The following MAGI1 variants were observed in gnomAD, a reference collection of about 807,000 sequenced individuals.
MAGI1 encodes membrane associated guanylate kinase, WW and PDZ domain containing 1.
MAGI1 carries 58 observed loss-of-function variants against 139.9 expected under a neutral mutation model. The observed-to-expected ratio is 0.41, with a 90% CI of 0.34 to 0.52. The LOEUF (loss-of-function observed/expected upper bound fraction) is 0.52, where lower values mean the gene tolerates loss of function less well. Ranked by LOEUF, MAGI1 falls within the 20% of genes least tolerant of loss-of-function variation. The pLI is 0.12. For missense variants in MAGI1, 1,874 were observed against 1,901.6 expected, an observed-to-expected ratio of 0.99 and a Z score of 0.27; for synonymous variants, 812 against 737.9, an observed-to-expected ratio of 1.10 and a Z score of -1.63.
chr3:65,656,833 A>AC (rs931373567), intron 1 of MAGI1, among the ~76,000 whole-genome samples: 6 of 152,072 alleles, frequency 3.9e-5, no homozygotes, highest in African/African-American at 1.4e-4. Context: ...CCCCGTCTCT[A>AC]CCAAAAATAC....
At chr3:65,970,702 A>G (rs1030900760) in intron 1 of MAGI1, among the ~76,000 whole-genome samples, 1 of 152,160 alleles carries the variant, frequency 6.6e-6, no homozygotes, top group Non-Finnish European at 1.5e-5. Flanking sequence ...CTACAAAGCT[A>G]TGACTGAGAG....
At chr3:65,729,908 A>G (rs995508112) in intron 1 of MAGI1, among the ~76,000 whole-genome samples, 2 of 152,244 alleles carry the variant, frequency 1.3e-5, no homozygotes, top group Non-Finnish European at 1.5e-5. Context: ...CTTTGGTTAT[A>G]TAAGTAGTTC....
chr3:65,789,180 A>G (rs2039590030), intron 1 of MAGI1, among the ~76,000 whole-genome samples: 1 of 152,104 alleles, frequency 6.6e-6, no homozygotes, highest in African/African-American at 2.4e-5. Context: ...CTCTATCTCT[A>G]AAAAAATAAC....
chr3:65,709,310 C>CT (rs1259970487), intron 1 of MAGI1, among the ~76,000 whole-genome samples: 1 of 152,024 alleles, frequency 6.6e-6, no homozygotes, highest in Non-Finnish European at 1.5e-5. Context: ...CCTGCTATCT[C>CT]TTTTTTTTCC....
At chr3:65,584,295 G>C (rs1294217537) in intron 2 of MAGI1, among the ~76,000 whole-genome samples, 2 of 152,090 alleles carry the variant, frequency 1.3e-5, no homozygotes, top group Non-Finnish European at 2.9e-5. Flanking sequence ...GCCAAAGTCA[G>C]CAATTTCTTT....
At chr3:65,706,777 A>G (rs972575461) in intron 1 of MAGI1, among the ~76,000 whole-genome samples, 1 of 152,116 alleles carries the variant, frequency 6.6e-6, no homozygotes, top group Admixed American at 6.5e-5. Flanking sequence ...GGGGAACAGT[A>G]TGGGATGGAA....
intron 2 of MAGI1, among the ~76,000 whole-genome samples, chr3:65,568,231 T>A (rs1465294690): frequency 6.6e-6 from 1 of 152,146 alleles, no homozygotes; most frequent in Non-Finnish European, 1.5e-5. Flanking sequence ...TGTTTCCCCA[T>A]ATCATTTCCC....
At chr3:65,506,315 A>G (rs918111679) in intron 2 of MAGI1, among the ~76,000 whole-genome samples, 1 of 152,204 alleles carries the variant, frequency 6.6e-6, no homozygotes, top group African/African-American at 2.4e-5. Flanking sequence ...AATATGCATT[A>G]ACCATGACAA....
At chr3:65,983,220 CATAA>C (rs1382152848) in intron 1 of MAGI1, among the ~76,000 whole-genome samples, 1 of 152,228 alleles carries the variant, frequency 6.6e-6, no homozygotes, top group Admixed American at 6.5e-5. Context: ...TGCCTTCTGA[CATAA>C]ATATTTGCTT....
intron 1 of MAGI1, among the ~76,000 whole-genome samples, chr3:65,865,246 C>T (rs951478572): frequency 6.6e-6 from 1 of 152,080 alleles, no homozygotes; most frequent in Non-Finnish European, 1.5e-5. Flanking sequence ...AATAAATAGT[C>T]TAGGATGTGA....
chr3:65,889,739 C>CT (rs2108565825), intron 1 of MAGI1, among the ~76,000 whole-genome samples: 2 of 152,202 alleles, frequency 1.3e-5, no homozygotes, highest in African/African-American at 4.8e-5. Context: ...TTGAGAGCTA[C>CT]TATATTGAGA....
chr3:65,963,313 TAAAAAA>T (rs760893715), intron 1 of MAGI1, among the ~76,000 whole-genome samples: 1 of 104,220 alleles, frequency 9.6e-6, no homozygotes, highest in South Asian at 4.2e-4. Context: ...CTCTGTCTCT[TAAAAAA>T]AAAAAAAAAG....
chr3:65,566,933 T>A (rs143474526), intron 2 of MAGI1, among the ~76,000 whole-genome samples: 1 of 152,140 alleles, frequency 6.6e-6, no homozygotes, highest in Admixed American at 6.5e-5. Flanking sequence ...TGTGAATGCA[T>A]CTACATGGCT....
intron 1 of MAGI1, among the ~76,000 whole-genome samples, chr3:65,701,828 A>C (rs1363962246): frequency 6.6e-6 from 1 of 152,204 alleles, no homozygotes; most frequent in African/African-American, 2.4e-5. Context: ...ATATGAGCAA[A>C]AGAATAAAAT....
At chr3:65,971,774 G>A (rs2065023351) in intron 1 of MAGI1, among the ~76,000 whole-genome samples, 1 of 152,082 alleles carries the variant, frequency 6.6e-6, no homozygotes, top group African/African-American at 2.4e-5. Context: ...ACACTTCCCT[G>A]GACTTTAACC....
intron 1 of MAGI1, among the ~76,000 whole-genome samples, chr3:66,012,946 G>A (rs1344609694): frequency 6.6e-6 from 1 of 152,118 alleles, no homozygotes; most frequent in Non-Finnish European, 1.5e-5. Flanking sequence ...AAAGAAAAGA[G>A]GAACCTAGCC....
intron 4 of MAGI1, among the ~76,000 whole-genome samples, chr3:65,473,889 T>C (rs557903223): frequency 2.0e-5 from 3 of 152,176 alleles, no homozygotes; most frequent in South Asian, 4.2e-4. Context: ...AGTCCAAAAA[T>C]GAGCTGCTGG....
chr3:65,878,975 C>A (rs1446358982), intron 1 of MAGI1, among the ~76,000 whole-genome samples: 1 of 152,182 alleles, frequency 6.6e-6, no homozygotes, highest in Admixed American at 6.5e-5. Flanking sequence ...CTTTCACCTG[C>A]CCCTGCTGCC....
chr3:65,635,131 C>T (rs985571389), intron 1 of MAGI1, among the ~76,000 whole-genome samples: 18 of 152,006 alleles, frequency 1.2e-4, no homozygotes, highest in Admixed American at 2.6e-4. Flanking sequence ...ATGGTGTGGT[C>T]GTGGCTCTCT....
Sources: allele counts gnomAD v4.1 joint callset (sites outside exome capture counted in the v4.1 genomes callset), GRCh38; gene constraint gnomAD v4.1.1; transcripts MANE v1.5; gene names NCBI Gene and HGNC (gene_info 2026-07-23, HGNC 2026-07-21).